PPP2R3A: variants seen among roughly 807,000 people sequenced by gnomAD.
The protein encoded by PPP2R3A is protein phosphatase 2 regulatory subunit B''alpha.
PPP2R3A carries 80 observed loss-of-function variants against 106.9 expected under a neutral mutation model. The observed-to-expected ratio is 0.75, with a 90% CI of 0.62 to 0.90. PPP2R3A has a LOEUF of 0.90. PPP2R3A is among the 40% of genes least tolerant of loss of function. The pLI, the probability that PPP2R3A is intolerant of heterozygous loss-of-function variation, is 0.00. For synonymous variants in PPP2R3A, 483 were observed against 468.3 expected (o/e 1.03, Z -0.41); for missense variants, 1,386 against 1,350.4 (o/e 1.03, Z -0.41).
intron 1 of PPP2R3A, among the ~76,000 whole-genome samples, chr3:135,998,559 C>A (rs1307014206): frequency 6.6e-6 from 1 of 152,084 alleles, no homozygotes; most frequent in South Asian, 2.1e-4. Context: ...CCCTATGTAT[C>A]TAATGACTTT....
chr3:135,966,071 G>A (rs546058062), intron 1 of PPP2R3A, among the ~76,000 whole-genome samples: 65 of 152,114 alleles, frequency 4.3e-4, no homozygotes, highest in African/African-American at 1.6e-3. Context: ...GCCTCGGCGC[G>A]GCCGGCCGGT....
chr3:136,019,571 A>G (rs1934392554), intron 2 of PPP2R3A, among the ~76,000 whole-genome samples: 1 of 152,180 alleles, frequency 6.6e-6, no homozygotes. Context: ...TCTAAAAACC[A>G]TATTCTTTGG....
At chr3:136,024,312 T>C (rs1305568206) in intron 2 of PPP2R3A, among the ~76,000 whole-genome samples, 1 of 152,126 alleles carries the variant, frequency 6.6e-6, no homozygotes, top group Non-Finnish European at 1.5e-5. Context: ...TACTTTAAGG[T>C]TTAAATTATA....
Position 136,002,532 on chromosome 3 carries a change from C to G in PPP2R3A, c.1034C>G (p.Ser345Cys), listed in dbSNP as rs1478907545. Residue 345 changes from serine (S) to cysteine (C), a missense_variant, in exon 2 of 14, where the codon TCT (serine) becomes TGT (cysteine). By Grantham distance (112) the Ser-to-Cys change is moderately radical (BLOSUM62 -1). Transcript: ENST00000264977. ...GTTGTCCAGCTCTCAGCTTCTGACT[C>G]TGGACGATTTCAAACTATTGAATTG... Reference protein sequence around the residue: ...EDVVQLSASDSGRFQTIELQN... With the variant: ...EDVVQLSASDCGRFQTIELQN... 1 of 1,614,070 alleles carries G rather than the reference C, an allele frequency of 6.2e-7. No homozygotes were observed. The highest frequency in any genetic ancestry group is 2.2e-5 in the East Asian group (1 of 44,880).
chr3:136,098,432 A>G (rs1481550328), intron 10 of PPP2R3A, among the ~76,000 whole-genome samples: 1 of 152,274 alleles, frequency 6.6e-6, no homozygotes, highest in Non-Finnish European at 1.5e-5. Flanking sequence ...ACTTGAAAAC[A>G]GTCAACAGTT....
chr3:136,092,850 A>G (rs1937126035), intron 10 of PPP2R3A, among the ~76,000 whole-genome samples: 1 of 152,228 alleles, frequency 6.6e-6, no homozygotes, highest in African/African-American at 2.4e-5. Flanking sequence ...GGTTGGTGCA[A>G]AAGTAATTGT....
chr3:136,129,188 T>G (rs1553759591), intron 13 of PPP2R3A, among the ~76,000 whole-genome samples: 1 of 138,618 alleles, frequency 7.2e-6, no homozygotes, highest in Non-Finnish European at 1.6e-5. Context: ...CTGAAAGAGA[T>G]AGAGACAAAA....
At chr3:136,051,368 C>T (rs372735756) in intron 5 of PPP2R3A, among the ~76,000 whole-genome samples, 11 of 152,276 alleles carry the variant, frequency 7.2e-5, no homozygotes, top group Admixed American at 2.6e-4. Context: ...TCGCTCTTGT[C>T]GCCCAGGCTG....
At chr3:136,054,298 C>T (rs1405174566) in intron 5 of PPP2R3A, among the ~76,000 whole-genome samples, 5 of 130,698 alleles carry the variant, frequency 3.8e-5, no homozygotes, top group South Asian at 2.4e-4. Flanking sequence ...CTCGCCCTGT[C>T]GCCAGGCTGG....
chr3:136,111,975 G>A (rs534081223), intron 13 of PPP2R3A, among the ~76,000 whole-genome samples: 17 of 152,250 alleles, frequency 1.1e-4, no homozygotes, highest in African/African-American at 2.4e-4. Flanking sequence ...CCTGGGATAC[G>A]AGGTTGGTTC....
chr3:136,008,341 TA>T (rs1933916750), intron 2 of PPP2R3A, among the ~76,000 whole-genome samples: 1 of 152,120 alleles, frequency 6.6e-6, no homozygotes, highest in Non-Finnish European at 1.5e-5. Flanking sequence ...AGCAATACAA[TA>T]GGAAACCATT....
At chr3:136,054,936 T>G (rs1204896368) in intron 5 of PPP2R3A, among the ~76,000 whole-genome samples, 1 of 152,224 alleles carries the variant, frequency 6.6e-6, no homozygotes, top group Non-Finnish European at 1.5e-5. Flanking sequence ...CTCATTTGAG[T>G]TCTCTGAGTT....
At chr3:136,137,865 C>CCAT in intron 13 of PPP2R3A, among the ~76,000 whole-genome samples, 1 of 152,116 alleles carries the variant, frequency 6.6e-6, no homozygotes. Context: ...ACATTTACAT[C>CCAT]CATCAGCACT....
chr3:136,082,150 T>A, intron 7 of PPP2R3A, 115 bp from the exon 8 acceptor site: 2 of 827,986 alleles, frequency 2.4e-6, no homozygotes, highest in Non-Finnish European at 1.9e-6. Flanking sequence ...GGTTTCTGAT[T>A]TGGTACCAGA....
Position 136,146,559 on chromosome 3 carries a change from G to C in PPP2R3A, c.*1393G>C, listed in dbSNP as rs1174051223. The C allele has an allele frequency of 6.6e-6, 1 of 152,032 alleles. No individual in the cohort carries two copies. Among genetic ancestry groups the C allele is most frequent in the Non-Finnish European group, 1.5e-5 (1 of 68,036 alleles). 9.4% of individuals were successfully genotyped at this position (152,032 alleles called of 1,614,324 possible). On this transcript the variant is annotated 3_prime_UTR_variant, in exon 14 of 14. Coordinates refer to ENST00000264977, the MANE Select transcript of PPP2R3A (RefSeq NM_002718.5). ...TATGCTATAAACAAGGTACAGTACAGTGAGAGTTAACAATCCTAGGAATCC... is the reference window on the plus strand; with the variant it reads ...TATGCTATAAACAAGGTACAGTACACTGAGAGTTAACAATCCTAGGAATCC...
intron 3 of PPP2R3A, among the ~76,000 whole-genome samples, chr3:136,038,237 T>C (rs1935150873): frequency 6.6e-6 from 1 of 152,160 alleles, no homozygotes; most frequent in South Asian, 2.1e-4. Flanking sequence ...TCCTGCTGTA[T>C]AACACTTGGC....
intron 4 of PPP2R3A, among the ~76,000 whole-genome samples, chr3:136,047,219 G>C (rs1481228371): frequency 6.6e-6 from 1 of 152,194 alleles, no homozygotes; most frequent in Non-Finnish European, 1.5e-5. Context: ...GGACATGGCT[G>C]AACTCCATGG....
chr3:136,087,941 C>G lies in PPP2R3A; in HGVS notation c.2837+10C>G, dbSNP rs771725601. 3.1e-6 allele frequency: 5 copies of G among 1,593,914 alleles called. No individual in the cohort carries two copies. In the East Asian group the frequency reaches 1.1e-4, roughly 36 times the overall value. On this transcript the variant is annotated intron_variant, in intron 9 of 13. Transcript: ENST00000264977. ...CTGGTGCAGTAACAAGGTAAGAAAA[C>G]GTTTAATGCTGTGTTTAAAAATGAA...
rs747811648 is a variant in PPP2R3A, at chr3:136,138,695, A to ATTTTTTTTTTTTTTT, written c.3330-6327_3330-6313dup. Among the ~76,000 whole-genome samples the ATTTTTTTTTTTTTTT allele has an allele frequency of 7.1e-4, 36 of 50,636 alleles. 6 individuals carry two copies. The highest frequency in any genetic ancestry group is 1.1e-3 in the South Asian group (1 of 888). The allele number at this position is 50,636 out of a possible 152,430, so 33.2% of individuals were successfully genotyped here. ...AGACTCCAAACTAGAGAAATATTGA[A>ATTTTTTTTTTTTTTT]TTTTTTTTTTTTTTTTTTTTTTTTT... On this transcript the variant is annotated intron_variant, in intron 13 of 13. Coordinates refer to ENST00000264977, the MANE Select transcript of PPP2R3A (RefSeq NM_002718.5).
Sources: allele counts gnomAD v4.1 joint callset (sites outside exome capture counted in the v4.1 genomes callset), GRCh38; gene constraint gnomAD v4.1.1; transcripts MANE v1.5; gene names NCBI Gene and HGNC (gene_info 2026-07-23, HGNC 2026-07-21).